Variants in BSG observed in about 807,000 individuals in gnomAD.
BSG encodes the protein basigin (Ok blood group).
Under a neutral mutation model 43.1 loss-of-function variants are expected in BSG, and 37 were observed. The ratio of observed to expected loss-of-function variants is 0.86; its 90% CI spans 0.66 to 1.13. The LOEUF is 1.13. BSG is among the 50% of genes most tolerant of loss of function. The pLI is 0.00. For synonymous variants in BSG, 309 were observed against 238.7 expected (o/e 1.29, Z -2.72); for missense variants, 599 against 554.2 (o/e 1.08, Z -0.81).
rs1981937826 is a variant in BSG at position 578,060 on chromosome 19, C to T, written c.354C>T (p.His118=). 1 of 1,610,006 alleles carries T rather than the reference C, an allele frequency of 6.2e-7. No individual in the cohort carries two copies. Among genetic ancestry groups the T allele is most frequent in the Non-Finnish European group, 8.5e-7 (1 of 1,178,422 alleles). Reference sequence around the variant, plus strand: ...CCAGCAACGACCCGGATCGCAACCACCTGACCCGGGCGCCCAGGGTCAAGT... The same window carrying T: ...CCAGCAACGACCCGGATCGCAACCATCTGACCCGGGCGCCCAGGGTCAAGT... ...CRASNDPDRN[H]LTRAPRVKWV... is the part of the protein sequence containing the mutation. Residue 118 remains histidine, a synonymous_variant, in exon 2 of 9, where the codon CAC becomes CAT. Coordinates refer to ENST00000333511, the MANE Select transcript of BSG (RefSeq NM_001728.4).
In BSG at chr19:583,221, ACCTCTT is replaced by A. The variant is rs1982495775; in HGVS notation, c.*478_*483del. Reference sequence around the variant, plus strand: ...CGACTCAGCCTCAGGGACGACTCTGACCTCTTGGCCACAGAGGACTCACTTGCCCAC... The same window carrying A: ...CGACTCAGCCTCAGGGACGACTCTGAGGCCACAGAGGACTCACTTGCCCAC... On this transcript the variant is annotated 3_prime_UTR_variant, in exon 9 of 9. Transcript: ENST00000333511. 6.6e-6 allele frequency: 1 copy of A among 152,598 alleles called. No homozygotes were observed. Among genetic ancestry groups the A allele is most frequent in the Admixed American group, 6.5e-5 (1 of 15,330 alleles). 9.5% of individuals were successfully genotyped at this position (152,598 alleles called of 1,614,324 possible). A position where few individuals can be genotyped will look rare whatever the true frequency, so the allele number is the denominator to read the frequency against.
Position 579,507 on chromosome 19 carries a change from A to G in BSG, c.423A>G (p.Thr141=), listed in dbSNP as rs778356022. ...TCTCGCCGGGCCTTGCAGCCGGCAC[A>G]GTCTTCACTACCGTAGAAGACCTTG... ...QAVVLVLEPG[T]VFTTVEDLGS... is the part of the protein sequence containing the mutation. The change falls in exon 3 of 9, where the codon ACA becomes ACG. Residue 141 remains threonine, a synonymous_variant. Transcript: ENST00000333511. 5.0e-6 allele frequency: 8 copies of G among 1,612,550 alleles called. No individual in the cohort carries two copies. In the East Asian group the frequency reaches 8.9e-5, roughly 18 times the overall value.
At chr19:578,327 G>A (rs1333570517) in intron 2 of BSG, 3 of 476,554 alleles carry the variant, frequency 6.3e-6, no homozygotes, top group Non-Finnish European at 1.1e-5. Context: ...CCTGGCTCGG[G>A]GCAGGCAGGG....
intron 1 of BSG, among the ~76,000 whole-genome samples, chr19:572,998 G>C (rs968506): frequency 0.055 from 8,378 of 152,278 alleles, 374 homozygotes; most frequent in Admixed American, 0.13. Flanking sequence ...GGGAGCCAGG[G>C]GGTCCTGGCC....
Position 579,668 on chromosome 19 carries a change from A to G in BSG, c.572+12A>G. The G allele has an allele frequency of 6.3e-7, 1 of 1,595,896 alleles. No homozygotes were observed. The highest frequency in any genetic ancestry group is 8.5e-7 in the Non-Finnish European group (1 of 1,170,496). On this transcript the variant is annotated intron_variant, in intron 3 of 8. Coordinates refer to ENST00000333511, the MANE Select transcript of BSG (RefSeq NM_001728.4). ...AAAACGGAGTTCAAGTGAGTGCCTG[A>G]CCACGCCATGCCGCCACCTGCCCCT...
chr19:581,599 G>T lies in BSG; in HGVS notation c.1069+8G>T. 6.3e-7 allele frequency: 1 copy of T among 1,579,704 alleles called. No homozygotes were observed. Among genetic ancestry groups the T allele is most frequent in the African/African-American group, 1.3e-5 (1 of 74,380 alleles). On this transcript the variant is annotated splice_region_variant and intron_variant, in intron 6 of 8. Coordinates refer to ENST00000333511, the MANE Select transcript of BSG (RefSeq NM_001728.4). ...CCGAGGACGTCCTGGATGGTGAGCCGTCTGCCCTCCTGCCCACATGCCCTG... is the reference window on the plus strand; with the variant it reads ...CCGAGGACGTCCTGGATGGTGAGCCTTCTGCCCTCCTGCCCACATGCCCTG...
chr19:580,884 G>A (rs1487034099), intron 5 of BSG, 102 bp downstream of exon 5: 15,664 of 1,004,798 alleles, frequency 0.016, 226 homozygotes, highest in South Asian at 0.059. Context: ...CTGGGTGAGG[G>A]GCCTAGACTG....
In BSG at chr19:581,611, GC is replaced by G. The variant is rs771558575; in HGVS notation, c.1069+23del. 3.8e-6 allele frequency: 6 copies of G among 1,564,766 alleles called. No individual in the cohort carries two copies. The South Asian group carries it at 7.0e-5, about 18-fold the overall frequency. ...TGGATGGTGAGCCGTCTGCCCTCCTGCCCACATGCCCTGCTCTCGGGGTGGC... is the reference window on the plus strand; with the variant it reads ...TGGATGGTGAGCCGTCTGCCCTCCTGCCACATGCCCTGCTCTCGGGGTGGC... On this transcript the variant is annotated intron_variant, in intron 6 of 8. Transcript: ENST00000333511.
At position 580,434 on chromosome 19, in the gene BSG, A is replaced by G. The variant is rs1289665561; in HGVS notation, c.628A>G (p.Met210Val). 21 of 1,611,010 alleles carry G rather than the reference A, an allele frequency of 1.3e-5. No individual in the cohort carries two copies. In the African/African-American group the frequency reaches 1.6e-4, roughly 12 times the overall value. ...CTCCTGCGTCTTCCTCCCCGAGCCCATGGGCACGGCCAACATCCAGCTCCA... is the reference window on the plus strand; with the variant it reads ...CTCCTGCGTCTTCCTCCCCGAGCCCGTGGGCACGGCCAACATCCAGCTCCA... The part of the protein sequence containing the change: ...EYSCVFLPEP[M>V]GTANIQLHGP... The change falls in exon 4 of 9, where the codon ATG becomes GTG. Residue 210 changes from methionine to valine, a missense_variant. Transcript: ENST00000333511.
rs1465472382 is a variant in BSG at position 580,792 on chromosome 19, C to G, written c.792+10C>G. 6.2e-6 allele frequency: 10 copies of G among 1,612,670 alleles called. No homozygotes were observed. In the East Asian group the frequency reaches 2.2e-4, roughly 36 times the overall value. On this transcript the variant is annotated intron_variant, in intron 5 of 8. Transcript: ENST00000333511. ...TGACTCTGAGGACAAGGTGAGAAGC[C>G]AAGGAGGCTGGGGGTCCTGGACCCA...
upstream of BSG, chr19:572,412 C>A: frequency 1.0e-6 from 1 of 985,368 alleles, no homozygotes; most frequent in Non-Finnish European, 1.2e-6. Context: ...TCACGTGCGC[C>A]GCCGCCCGGA....
At chr19:579,782 A>C in intron 3 of BSG, 126 bp downstream of exon 3, 1 of 1,382,712 alleles carries the variant, frequency 7.2e-7, no homozygotes, top group Non-Finnish European at 9.6e-7. Context: ...GTTAGGGACC[A>C]GCTCCGCGCA....
At chr19:581,828 C>T (rs769736896) in intron 6 of BSG, among the ~76,000 whole-genome samples, 25 of 152,274 alleles carry the variant, frequency 1.6e-4, no homozygotes, top group Non-Finnish European at 2.9e-5. Flanking sequence ...CCCACAGCCT[C>T]ACCCGGCCCT....
Position 572,632 on chromosome 19 carries a change from A to T in BSG, c.-3A>T. ...GTTGTAGGACCGGCGAGGAATAGGA[A>T]TCATGGCGGCTGCGCTGTTCGTGCT... On this transcript the variant is annotated 5_prime_UTR_variant, in exon 1 of 9. Coordinates refer to ENST00000333511, the MANE Select transcript of BSG (RefSeq NM_001728.4). 6.7e-7 allele frequency: 1 copy of T among 1,499,458 alleles called. No individual in the cohort carries two copies. The allele number at this position is 1,499,458 out of a possible 1,614,324, so 92.9% of individuals were successfully genotyped here. A position where few individuals can be genotyped will look rare whatever the true frequency, so the allele number is the denominator to read the frequency against.
At chr19:571,619 TG>T (rs2145880446), upstream of BSG, 1 of 779,294 alleles carries the variant, frequency 1.3e-6, no homozygotes, top group East Asian at 2.4e-5. Flanking sequence ...GGGATCCAAA[TG>T]GGATATTTGG....
chr19:581,868 T>C (rs939711302), intron 6 of BSG, among the ~76,000 whole-genome samples: 2 of 152,246 alleles, frequency 1.3e-5, no homozygotes, highest in Admixed American at 6.5e-5. Context: ...TGCAAGCCAG[T>C]GTCCTCCGTG....
In BSG at chr19:580,674, G is replaced by C. The variant is rs754021303; in HGVS notation, c.684G>C (p.Ser228=). ...HGPPRVKAVK[S]SEHINEGETA... ...CTCCCAGAGTGAAGGCTGTGAAGTC[G>C]TCAGAACACATCAACGAGGGGGAGA... The change falls in exon 5 of 9, where the codon TCG becomes TCC. Residue 228 remains serine, a synonymous_variant. Transcript: ENST00000333511. 1.1e-4 allele frequency: 178 copies of C among 1,612,734 alleles called. No individual in the cohort carries two copies. The highest frequency in any genetic ancestry group is 1.5e-4 in the Non-Finnish European group (174 of 1,179,978).
Position 581,525 on chromosome 19 carries a change from G to A in BSG, c.1003G>A (p.Val335Met), listed in dbSNP as rs1403508255. ...GCCCTTCCTGGGCATCGTGGCTGAG[G>A]TGCTGGTGCTGGTCACCATCATCTT... The part of the protein sequence containing the change: ...LWPFLGIVAE[V>M]LVLVTIIFIY... Residue 335 changes from valine (V) to methionine (M), a missense_variant, in exon 6 of 9, where the codon GTG becomes ATG. By Grantham distance (21) the Val-to-Met change is conservative. Transcript: ENST00000333511. The A allele has an allele frequency of 2.5e-6, 4 of 1,596,322 alleles. No individual in the cohort carries two copies. Among genetic ancestry groups the A allele is most frequent in the Non-Finnish European group, 2.6e-6 (3 of 1,172,426 alleles).
rs367873477 is a variant in BSG at position 573,132 on chromosome 19, T to C, written c.67+431T>C. Among the ~76,000 whole-genome samples the C allele has an allele frequency of 1.2e-3, 176 of 152,180 alleles. 7 individuals are homozygous for C. In the South Asian group the frequency reaches 0.033, roughly 29 times the overall value. Reference sequence around the variant, plus strand: ...GGAGGTGGCCCGCCCGCCGGTCCCATCGGCCAGGAGAAGGGAGACCCAAAG... The same window carrying C: ...GGAGGTGGCCCGCCCGCCGGTCCCACCGGCCAGGAGAAGGGAGACCCAAAG... On this transcript the variant is annotated intron_variant, in intron 1 of 8. Transcript: ENST00000333511.
Sources: allele counts gnomAD v4.1 joint callset (sites outside exome capture counted in the v4.1 genomes callset), GRCh38; gene constraint gnomAD v4.1.1; transcripts MANE v1.5; gene names NCBI Gene and HGNC (gene_info 2026-07-23, HGNC 2026-07-21).